The following NCALD variants were observed in gnomAD, a reference collection of about 807,000 sequenced individuals.
NCALD encodes neurocalcin delta, also known as neurocalcin-delta.
A neutral mutation model predicts 18.6 loss-of-function variants in NCALD; 10 were observed. The ratio of observed to expected loss-of-function variants is 0.54; its 90% CI spans 0.33 to 0.91. NCALD has a LOEUF of 0.91. NCALD is among the 40% of genes least tolerant of loss of function. The pLI is 0.03. For missense variants in NCALD, 184 were observed against 247.6 expected, an observed-to-expected ratio of 0.74 and a Z score of 1.72; for synonymous variants, 88 against 87.4, an observed-to-expected ratio of 1.01 and a Z score of -0.04.
chr8:101,867,794 C>T (rs1815833647), intron 4 of NCALD, among the ~76,000 whole-genome samples: 1 of 152,058 alleles, frequency 6.6e-6, no homozygotes, highest in South Asian at 2.1e-4. Flanking sequence ...AATTTTTCGG[C>T]TTTGGGTAAT....
intron 1 of NCALD, among the ~76,000 whole-genome samples, chr8:102,041,788 C>T (rs778077108): frequency 2.0e-5 from 3 of 149,716 alleles, no homozygotes; most frequent in Non-Finnish European, 4.4e-5. Context: ...TGGAACCACA[C>T]AGCAGTCTGA....
At chr8:101,938,334 A>G (rs1468845542) in intron 2 of NCALD, among the ~76,000 whole-genome samples, 1 of 152,046 alleles carries the variant, frequency 6.6e-6, no homozygotes, top group Non-Finnish European at 1.5e-5. Context: ...TTATGAATAC[A>G]CTCTTATGCC....
chr8:102,050,374 T>C lies in NCALD; in HGVS notation c.-209-30085A>G, dbSNP rs575941739. On this transcript the variant is annotated intron_variant, in intron 1 of 6. Transcript: ENST00000311028. ...ACATAGTCATGTATTTATTTTGGAATATTTTAAACGAACAGAATTAATGTT... is the reference window on the plus strand; with the variant it reads ...ACATAGTCATGTATTTATTTTGGAACATTTTAAACGAACAGAATTAATGTT... 3.3e-5 allele frequency among the ~76,000 whole-genome samples: 5 copies of C among 151,438 alleles called. No individual in the cohort carries two copies. The South Asian group carries it at 6.2e-4, about 19-fold the overall frequency.
chr8:102,011,428 A>C (rs894974020), intron 2 of NCALD, among the ~76,000 whole-genome samples: 1 of 152,182 alleles, frequency 6.6e-6, no homozygotes, highest in African/African-American at 2.4e-5. Context: ...CTCACTTGAG[A>C]ATGTTAACTT....
chr8:102,057,127 T>TG (rs1185099612), intron 1 of NCALD, among the ~76,000 whole-genome samples: 1 of 152,178 alleles, frequency 6.6e-6, no homozygotes, highest in Admixed American at 6.5e-5. Context: ...GCCTCATTTG[T>TG]GGGCACCTCA....
chr8:101,836,021 C>A (rs1814398549), intron 4 of NCALD, among the ~76,000 whole-genome samples: 1 of 152,070 alleles, frequency 6.6e-6, no homozygotes, highest in Non-Finnish European at 1.5e-5. Flanking sequence ...AGCTCTCCAA[C>A]AAAGATGCAC....
chr8:101,992,484 T>A (rs1471619670), intron 2 of NCALD, among the ~76,000 whole-genome samples: 2 of 152,226 alleles, frequency 1.3e-5, no homozygotes, highest in East Asian at 3.8e-4. Context: ...CTCCATTTTG[T>A]GTCTGACAGG....
intron 2 of NCALD, 76 bp downstream of exon 2, chr8:101,719,176 C>A: frequency 6.7e-7 from 1 of 1,501,764 alleles, no homozygotes; most frequent in South Asian, 1.4e-5. Flanking sequence ...ACCTCTGCAC[C>A]GTGCTATACT....
intron 1 of NCALD, among the ~76,000 whole-genome samples, chr8:102,030,001 A>C (rs1822611214): frequency 6.6e-6 from 1 of 152,254 alleles, no homozygotes; most frequent in African/African-American, 2.4e-5. Context: ...AGACAAGAGC[A>C]CATGCCTCCT....
intron 1 of NCALD, among the ~76,000 whole-genome samples, chr8:102,033,972 GCT>G (rs1822772032): frequency 6.7e-6 from 1 of 150,222 alleles, no homozygotes; most frequent in Non-Finnish European, 1.5e-5. Context: ...GTAAATCCTA[GCT>G]CTTTCTCTTT....
intron 2 of NCALD, among the ~76,000 whole-genome samples, chr8:101,941,607 A>C (rs1175028886): frequency 6.6e-6 from 1 of 152,234 alleles, no homozygotes; most frequent in Non-Finnish European, 1.5e-5. Context: ...GATTCCAAAA[A>C]TAACTTCTGT....
intron 1 of NCALD, among the ~76,000 whole-genome samples, chr8:102,077,142 A>AT (rs1824372751): frequency 6.6e-6 from 1 of 151,764 alleles, no homozygotes; most frequent in South Asian, 2.1e-4. Flanking sequence ...AGGCTGGTGG[A>AT]GGGGGTGGGG....
intron 1 of NCALD, among the ~76,000 whole-genome samples, chr8:101,740,180 C>CTCTTTTAGA (rs1810123589): frequency 6.6e-6 from 1 of 152,206 alleles, no homozygotes; most frequent in South Asian, 2.1e-4. Context: ...CTTTTAGAAT[C>CTCTTTTAGA]ATGTACAGGG....
intron 4 of NCALD, among the ~76,000 whole-genome samples, chr8:101,827,522 C>A (rs1356378998): frequency 6.6e-6 from 1 of 152,154 alleles, no homozygotes; most frequent in Non-Finnish European, 1.5e-5. Context: ...ATTTGAGACA[C>A]CTCCCAATAG....
chr8:101,876,255 A>G (rs1345104569), intron 4 of NCALD, among the ~76,000 whole-genome samples: 1 of 152,234 alleles, frequency 6.6e-6, no homozygotes, highest in Non-Finnish European at 1.5e-5. Flanking sequence ...ATTCTCCAAC[A>G]CACAGGGTGA....
In NCALD at chr8:101,896,622, A is replaced by G. The variant is rs937261981; in HGVS notation, c.-106-9395T>C. On this transcript the variant is annotated intron_variant, in intron 3 of 6. Coordinates refer to the NCALD transcript ENST00000311028. ...AATTTTTGCAACCTACTCACCTGAC[A>G]AAGGGCTAATATCCAGAATCTACAA... is the stretch of plus-strand genomic sequence containing the variant. Among the ~76,000 whole-genome samples the G allele has an allele frequency of 7.2e-5, 11 of 152,180 alleles. 1 individual carries two copies. Among genetic ancestry groups the G allele is most frequent in the Admixed American group, 7.2e-4 (11 of 15,286 alleles).
intron 4 of NCALD, among the ~76,000 whole-genome samples, chr8:101,830,694 C>T (rs932809178): frequency 7.9e-5 from 12 of 151,552 alleles, no homozygotes; most frequent in Non-Finnish European, 1.6e-4. Context: ...TTGCTGTGTG[C>T]TTGCACCACT....
At chr8:102,093,447 A>G (rs1824991670) in intron 1 of NCALD, among the ~76,000 whole-genome samples, 1 of 152,198 alleles carries the variant, frequency 6.6e-6, no homozygotes, top group Non-Finnish European at 1.5e-5. Context: ...AGCTAAAAAT[A>G]TTTACATTCC....
chr8:101,776,974 T>C (rs1185428383), intron 1 of NCALD, among the ~76,000 whole-genome samples: 1 of 152,128 alleles, frequency 6.6e-6, no homozygotes. Flanking sequence ...TTAGAGATTT[T>C]CTTTGGATGA....
Sources: gnomAD v4.1 joint callset for allele counts (sites outside exome capture counted in the v4.1 genomes callset) on GRCh38, gnomAD v4.1.1 for gene constraint, MANE v1.5 for transcripts, NCBI Gene and HGNC (gene_info 2026-07-23, HGNC 2026-07-21) for gene names.